KHDC1: variants seen among roughly 807,000 people sequenced by gnomAD.
KHDC1 encodes KH domain containing 1, also known as KH homology domain-containing protein 1.
Under a neutral mutation model 24.7 loss-of-function variants are expected in KHDC1, and 21 were observed. The observed-to-expected ratio is 0.85, with a 90% CI of 0.60 to 1.23. The LOEUF is 1.23. Among genes scored for constraint, KHDC1 ranks in the 50% most tolerant of loss-of-function variants. The pLI, the probability that KHDC1 is intolerant of heterozygous loss-of-function variation, is 0.00. For missense variants in KHDC1, 274 were observed against 298.5 expected, an observed-to-expected ratio of 0.92 and a Z score of 0.61; for synonymous variants, 98 against 111.7, an observed-to-expected ratio of 0.88 and a Z score of 0.77.
chr6:73,304,213 G>A (rs1398828394), intron 1 of KHDC1, among the ~76,000 whole-genome samples: 1 of 152,080 alleles, frequency 6.6e-6, no homozygotes, highest in African/African-American at 2.4e-5. Flanking sequence ...CTACGGTTAG[G>A]TAAGATGCTA....
intron 2 of KHDC1, chr6:73,276,517 A>AAG (rs5877361): frequency 6.6e-6 from 1 of 150,610 alleles, no homozygotes; most frequent in East Asian, 2.0e-4. Flanking sequence ...AAAAAAAAAA[A>AAG]CTAGCCAGGC....
At chr6:73,281,474 A>G (rs1767407858) in intron 2 of KHDC1, among the ~76,000 whole-genome samples, 1 of 151,924 alleles carries the variant, frequency 6.6e-6, no homozygotes, top group South Asian at 2.1e-4. Context: ...AAAATCAGCC[A>G]GGCGTGGTGA....
At chr6:73,244,920 C>T (rs924806901) in intron 2 of KHDC1, among the ~76,000 whole-genome samples, 1 of 152,042 alleles carries the variant, frequency 6.6e-6, no homozygotes, top group African/African-American at 2.4e-5. Context: ...AGAGCAAGAC[C>T]CTGTCTCTTA....
chr6:73,263,362 G>C, intron 2 of KHDC1, 166 bp from the exon 1 acceptor site: 1 of 857,550 alleles, frequency 1.2e-6, no homozygotes, highest in Non-Finnish European at 1.4e-6. Flanking sequence ...GGACGAGCCA[G>C]TGGCAATGAC....
At chr6:73,294,437 A>T (rs1373363276) in intron 1 of KHDC1, among the ~76,000 whole-genome samples, 4 of 152,242 alleles carry the variant, frequency 2.6e-5, no homozygotes, top group African/African-American at 9.6e-5. Context: ...AATTTCTATC[A>T]TAACTAGCAG....
chr6:73,261,185 G>A (rs569321588), intron 2 of KHDC1, among the ~76,000 whole-genome samples: 3 of 152,200 alleles, frequency 2.0e-5, no homozygotes, highest in Non-Finnish European at 4.4e-5. Context: ...GCTCACACCT[G>A]TAATCCCAGC....
At chr6:73,295,730 CAGCTACTCGGG>C in intron 1 of KHDC1, among the ~76,000 whole-genome samples, 1 of 152,076 alleles carries the variant, frequency 6.6e-6, no homozygotes, top group South Asian at 2.1e-4. Context: ...CCTGTAGTCC[CAGCTACTCGGG>C]AGGTTGAGGC....
chr6:73,272,860 TTC>T lies in KHDC1; in HGVS notation c.206+19136_206+19137del, dbSNP rs1279784219. Among the ~76,000 whole-genome samples the T allele has an allele frequency of 1.5e-4, 21 of 140,582 alleles. 1 individual carries two copies. The highest frequency in any genetic ancestry group is 4.6e-4 in the African/African-American group (16 of 34,644). The allele number at this position is 140,582 out of a possible 152,430, so 92.2% of individuals were successfully genotyped here. A position where few individuals can be genotyped will look rare whatever the true frequency, so the allele number is the denominator to read the frequency against. On this transcript the variant is annotated intron_variant, in intron 2 of 4. Coordinates refer to ENST00000370384, the Ensembl canonical transcript of KHDC1. ...TTTTTTCTTTTCTTTTCTTTTCTTT[TTC>T]TTTTTTTTTTTTTGGAGATGGAGTC...
At chr6:73,285,011 AT>A (rs1397699322) in intron 2 of KHDC1, among the ~76,000 whole-genome samples, 1 of 151,756 alleles carries the variant, frequency 6.6e-6, no homozygotes, top group African/African-American at 2.4e-5. Context: ...CACTTTGCTA[AT>A]TTTTGTATTT....
rs565097895 is a variant in KHDC1, at chr6:73,249,525, G to A, written c.207-6995C>T. On this transcript the variant is annotated intron_variant, in intron 2 of 4. Transcript: ENST00000370384. ...ACAATCTTGGTAACCTCATATTTTAGAGCAATAAAAAAGGCAAGGTTTGCA... is the reference window on the plus strand; with the variant it reads ...ACAATCTTGGTAACCTCATATTTTAAAGCAATAAAAAAGGCAAGGTTTGCA... 4.6e-5 allele frequency among the ~76,000 whole-genome samples: 7 copies of A among 152,206 alleles called. No individual in the cohort carries two copies. In the East Asian group the frequency reaches 1.4e-3, roughly 29 times the overall value.
Position 73,303,611 on chromosome 6 carries a change from T to C in KHDC1, c.163+5941A>G, listed in dbSNP as rs116262574. The stretch of plus-strand genomic sequence containing the variant: ...GAGAAGGGCACATGATCACATCATT[T>C]TGTAGCATCCTTCTCAATAATGTAT... On this transcript the variant is annotated intron_variant, in intron 1 of 4. Transcript: ENST00000370384. 8.4e-3 allele frequency among the ~76,000 whole-genome samples: 1,275 copies of C among 151,970 alleles called. 20 individuals are homozygous for C. Among genetic ancestry groups the C allele is most frequent in the African/African-American group, 0.029 (1,199 of 41,226 alleles).
At chr6:73,307,892 T>TTTG (rs1209581543) in intron 1 of KHDC1, among the ~76,000 whole-genome samples, 2 of 151,308 alleles carry the variant, frequency 1.3e-5, no homozygotes, top group Non-Finnish European at 2.9e-5. Context: ...GGCGACAGAG[T>TTTG]TTGTTGTTGT....
At chr6:73,292,666 C>G (rs2150733689) in intron 1 of KHDC1, 1 of 752,182 alleles carries the variant, frequency 1.3e-6, no homozygotes, top group Admixed American at 1.7e-5. Context: ...TGATCTCTTC[C>G]TTTACCAGCC....
chr6:73,289,267 G>T (rs1166576209), intron 2 of KHDC1, among the ~76,000 whole-genome samples: 1 of 131,454 alleles, frequency 7.6e-6, no homozygotes. Flanking sequence ...CCGGGAGGCG[G>T]TAGTTGCAGT....
At chr6:73,282,075 G>T (rs576394961) in intron 2 of KHDC1, among the ~76,000 whole-genome samples, 2 of 151,174 alleles carry the variant, frequency 1.3e-5, no homozygotes, top group African/African-American at 4.9e-5. Flanking sequence ...AAAATTAGCC[G>T]GGCGTGGTGG....
At chr6:73,295,890 C>T (rs1401997175) in intron 1 of KHDC1, among the ~76,000 whole-genome samples, 1 of 151,286 alleles carries the variant, frequency 6.6e-6, no homozygotes, top group Non-Finnish European at 1.5e-5. Flanking sequence ...GCCTGTTATC[C>T]CAGCACTCTG....
At chr6:73,262,914 T>C in intron 2 of KHDC1, 1 of 987,246 alleles carries the variant, frequency 1.0e-6, no homozygotes, top group African/African-American at 1.7e-5. Flanking sequence ...CAGGCTTCTC[T>C]GTCCCTTCAC....
intron 4 of KHDC1, 50 bp downstream of exon 3, chr6:73,242,005 C>A: frequency 6.4e-7 from 1 of 1,558,370 alleles, no homozygotes; most frequent in South Asian, 1.2e-5. Context: ...ACAACTTAGC[C>A]AGAACTCCAC....
At chr6:73,259,929 G>A (rs1196359646) in intron 2 of KHDC1, among the ~76,000 whole-genome samples, 1 of 152,150 alleles carries the variant, frequency 6.6e-6, no homozygotes, top group African/African-American at 2.4e-5. Flanking sequence ...TGTTTCTCTT[G>A]CTGTAGTCCT....
Sources: allele counts gnomAD v4.1 joint callset (sites outside exome capture counted in the v4.1 genomes callset), GRCh38; gene constraint gnomAD v4.1.1; transcripts MANE v1.5; gene names NCBI Gene and HGNC (gene_info 2026-07-23, HGNC 2026-07-21).